NPLOC4: variants seen among roughly 807,000 people sequenced by gnomAD.
The protein encoded by NPLOC4 is NPL4 homolog, ubiquitin recognition factor.
Under a neutral mutation model 80.6 loss-of-function variants are expected in NPLOC4, and 18 were observed. That is an observed-to-expected ratio of 0.22 (90% confidence interval 0.15 to 0.33). The LOEUF is 0.33. Among genes scored for constraint, NPLOC4 ranks in the 10% least tolerant of loss-of-function variants. The pLI is 1.00. For missense variants in NPLOC4, 540 were observed against 786.1 expected (o/e 0.69, Z 3.74); for synonymous variants, 313 against 301.5 (o/e 1.04, Z -0.39).
intron 1 of NPLOC4, among the ~76,000 whole-genome samples, 172 bp downstream of exon 1, chr17:81,636,744 A>AG (rs1025116854): frequency 1.3e-5 from 2 of 152,030 alleles, no homozygotes; most frequent in Non-Finnish European, 2.9e-5. Flanking sequence ...GAAGCAGCCG[A>AG]GGGGGGTGAA....
intron 2 of NPLOC4, among the ~76,000 whole-genome samples, chr17:81,629,440 G>A (rs2035877629): frequency 6.6e-6 from 1 of 151,954 alleles, no homozygotes; most frequent in South Asian, 2.1e-4. Context: ...CACCCGCCTT[G>A]GTCTCCCGAA....
chr17:81,622,921 G>A (rs968670533), intron 2 of NPLOC4, among the ~76,000 whole-genome samples: 12 of 151,886 alleles, frequency 7.9e-5, no homozygotes, highest in Admixed American at 2.0e-4. Flanking sequence ...CAGGCCAGGC[G>A]TGGTGGCTCA....
chr17:81,611,718 T>C (rs1482292180), intron 4 of NPLOC4, among the ~76,000 whole-genome samples: 1 of 150,512 alleles, frequency 6.6e-6, no homozygotes. Context: ...CCCAGCACTT[T>C]GGGAGGCCGA....
At chr17:81,573,784 C>A (rs1186005830) in intron 12 of NPLOC4, among the ~76,000 whole-genome samples, 1 of 152,152 alleles carries the variant, frequency 6.6e-6, no homozygotes, top group Admixed American at 6.5e-5. Flanking sequence ...GGAGAATGAA[C>A]CTGGACTCTA....
rs2144083971 is a variant in NPLOC4 at position 81,576,609 on chromosome 17, A to T, written c.1282-4521T>A. Among the ~76,000 whole-genome samples the T allele has an allele frequency of 1.3e-5, 2 of 152,258 alleles. 1 individual carries two copies. Among genetic ancestry groups the T allele is most frequent in the South Asian group, 4.1e-4 (2 of 4,826 alleles). ...TAAGGTATCTTTGAAATCAGAAAAT[A>T]TTTCAGCTTCTTTGTATAAAAGACA... On this transcript the variant is annotated intron_variant, in intron 12 of 16. Transcript: ENST00000331134.
At chr17:81,569,416 G>C (rs2034097801) in intron 13 of NPLOC4, among the ~76,000 whole-genome samples, 1 of 152,238 alleles carries the variant, frequency 6.6e-6, no homozygotes, top group African/African-American at 2.4e-5. Context: ...TCCCTTCAGA[G>C]TCACACAGGT....
intron 1 of NPLOC4, among the ~76,000 whole-genome samples, chr17:81,635,656 C>G (rs913055365): frequency 6.6e-6 from 1 of 152,162 alleles, no homozygotes. Context: ...ATCCACCCAC[C>G]TGGGCTTCCC....
rs1204005470 is a variant in NPLOC4 at position 81,558,993 on chromosome 17, T to C, written c.*266A>G. On this transcript the variant is annotated 3_prime_UTR_variant, in exon 17 of 17. Transcript: ENST00000331134. ...AGGTCTTTCCAACACGGCGGGGGAC[T>C]TGTCAACAGGATTAGGCGTGAGGAG... The C allele has an allele frequency of 2.7e-5, 11 of 407,482 alleles. No homozygotes were observed. The East Asian group carries it at 4.1e-4, about 15-fold the overall frequency. 25.2% of individuals were successfully genotyped at this position (407,482 alleles called of 1,614,324 possible).
At chr17:81,575,162 C>T (rs1018983879) in intron 12 of NPLOC4, among the ~76,000 whole-genome samples, 3 of 152,102 alleles carry the variant, frequency 2.0e-5, no homozygotes, top group South Asian at 4.1e-4. Context: ...TGCAGTGGCG[C>T]GGTCTCGGCT....
Position 81,606,757 on chromosome 17 carries a change from C to T in NPLOC4, c.588G>A (p.Gly196=), listed in dbSNP as rs1401456408. ...ISCKIKSGCE[G]HLPWPNGICT... ...AGATGCCATTCGGCCACGGGAGGTG[C>T]CCCTCGCACCCTGACTTAATCTTGC... Residue 196 remains glycine, a synonymous_variant, in exon 7 of 17, where the codon GGG becomes GGA. Transcript: ENST00000331134. 4 of 1,613,744 alleles carry T rather than the reference C, an allele frequency of 2.5e-6. No individual in the cohort carries two copies. The highest frequency in any genetic ancestry group is 2.7e-5 in the African/African-American group (2 of 75,050).
chr17:81,628,607 C>CGG (rs2035857719), intron 2 of NPLOC4, among the ~76,000 whole-genome samples: 2 of 152,092 alleles, frequency 1.3e-5, no homozygotes, highest in Non-Finnish European at 2.9e-5. Context: ...ACAAACCTAC[C>CGG]TACAACAAAG....
rs535388685 is a variant in NPLOC4 at position 81,557,211 on chromosome 17, T to C, written c.*2048A>G. 6.6e-6 allele frequency: 1 copy of C among 152,402 alleles called. No homozygotes were observed. The highest frequency in any genetic ancestry group is 2.1e-4 in the South Asian group (1 of 4,824). 9.4% of individuals were successfully genotyped at this position (152,402 alleles called of 1,614,324 possible). ...GAGACCTCCTTCCCACAAGAGGAGG[T>C]GGCTGAGCCTCCCAGGGCCTGAACT... On this transcript the variant is annotated 3_prime_UTR_variant, in exon 17 of 17. Transcript: ENST00000331134.
chr17:81,587,097 A>C (rs1474712202), intron 12 of NPLOC4, among the ~76,000 whole-genome samples: 1 of 152,222 alleles, frequency 6.6e-6, no homozygotes, highest in Non-Finnish European at 1.5e-5. Flanking sequence ...CACATATGCT[A>C]ACCCATAATT....
Position 81,567,805 on chromosome 17 carries a change from G to A in NPLOC4, c.1450-272C>T, listed in dbSNP as rs75076089. 3,382 of 360,348 alleles carry A rather than the reference G, an allele frequency of 9.4e-3. 168 individuals carry two copies. The East Asian group carries it at 0.13, about 14-fold the overall frequency. 22.3% of individuals were successfully genotyped at this position (360,348 alleles called of 1,614,324 possible). ...TTATAAAGCTGACTCAGACTGGCCAGGTGTGGAGGCTAACACAGTAATTCC... is the reference window on the plus strand; with the variant it reads ...TTATAAAGCTGACTCAGACTGGCCAAGTGTGGAGGCTAACACAGTAATTCC... On this transcript the variant is annotated intron_variant, in intron 14 of 16. Coordinates refer to ENST00000331134, the MANE Select transcript of NPLOC4 (RefSeq NM_017921.4). This position sits in a 1 kb window ranked among gnomAD's most constrained non-coding sequence, Gnocchi z 4.5.
chr17:81,615,266 C>A (rs1481120765), intron 3 of NPLOC4, among the ~76,000 whole-genome samples: 1 of 151,608 alleles, frequency 6.6e-6, no homozygotes, highest in Non-Finnish European at 1.5e-5. Flanking sequence ...CGCCCAGATA[C>A]TTTTTGTATT....
chr17:81,605,291 AAT>A lies in NPLOC4; in HGVS notation c.655-566_655-565del, dbSNP rs200654920. ...GCAAAACTCCATCTCAAAAAAAAAA[AAT>A]AAATAATAATAATAATAATCTGCTA... On this transcript the variant is annotated intron_variant, in intron 7 of 16. Transcript: ENST00000331134. Among the ~76,000 whole-genome samples the A allele has an allele frequency of 6.1e-4, 75 of 123,618 alleles. 2 individuals are homozygous for A. Among genetic ancestry groups the A allele is most frequent in the Middle Eastern group, 4.0e-3 (1 of 252 alleles). 81.1% of individuals were successfully genotyped at this position (123,618 alleles called of 152,430 possible).
At chr17:81,634,610 C>G (rs1028447929) in intron 1 of NPLOC4, among the ~76,000 whole-genome samples, 4 of 143,936 alleles carry the variant, frequency 2.8e-5, no homozygotes, top group African/African-American at 1.0e-4. Flanking sequence ...TTTTTTGAGA[C>G]AGTCTTGCTC....
Position 81,559,158 on chromosome 17 carries a change from C to T in NPLOC4, c.*101G>A. On this transcript the variant is annotated 3_prime_UTR_variant, in exon 17 of 17. Transcript: ENST00000331134. Reference sequence around the variant, plus strand: ...CAGCCAGCCCCTTGTTCCTCCAGGGCTGCCCACTATGGGGCAGTTACAGGG... The same window carrying T: ...CAGCCAGCCCCTTGTTCCTCCAGGGTTGCCCACTATGGGGCAGTTACAGGG... 1 of 1,330,588 alleles carries T rather than the reference C, an allele frequency of 7.5e-7. No individual in the cohort carries two copies. The highest frequency in any genetic ancestry group is 1.0e-6 in the Non-Finnish European group (1 of 991,982). 82.4% of individuals were successfully genotyped at this position (1,330,588 alleles called of 1,614,324 possible).
At chr17:81,575,235 G>T (rs1328690484) in intron 12 of NPLOC4, among the ~76,000 whole-genome samples, 1 of 152,144 alleles carries the variant, frequency 6.6e-6, no homozygotes, top group Non-Finnish European at 1.5e-5. Context: ...GAGTAGCTGG[G>T]ACTACAGGTG....
Sources: gnomAD v4.1 joint callset for allele counts (sites outside exome capture counted in the v4.1 genomes callset) on GRCh38, gnomAD v4.1.1 for gene constraint, Gnocchi (gnomAD v3.1) non-coding constraint, MANE v1.5 for transcripts, NCBI Gene and HGNC (gene_info 2026-07-23, HGNC 2026-07-21) for gene names.